MET: variants seen among roughly 807,000 people sequenced by gnomAD.
MET encodes MET proto-oncogene, receptor tyrosine kinase, also known as hepatocyte growth factor receptor.
A neutral mutation model predicts 133.1 loss-of-function variants in MET; 48 were observed. The observed-to-expected ratio is 0.36, with a 90% CI of 0.29 to 0.46. MET has a LOEUF of 0.46. Ranked by LOEUF, MET falls within the 20% of genes least tolerant of loss-of-function variation. The probability of loss-of-function intolerance (pLI) is 1.00; values close to 1 mark genes in which losing one functional copy is unlikely to be tolerated. For synonymous variants in MET, 628 were observed against 616.5 expected (o/e 1.02, Z -0.28); for missense variants, 1,442 against 1,695.9 (o/e 0.85, Z 2.63).
At chr7:116,721,932 G>T (rs1250623222) in intron 2 of MET, among the ~76,000 whole-genome samples, 1 of 151,806 alleles carries the variant, frequency 6.6e-6, no homozygotes, top group Non-Finnish European at 1.5e-5. Context: ...GAATAGGTGT[G>T]GTGTGGTGCT....
chr7:116,683,998 TTCC>T (rs1184876759), intron 1 of MET, among the ~76,000 whole-genome samples: 1 of 152,172 alleles, frequency 6.6e-6, no homozygotes, highest in Non-Finnish European at 1.5e-5. Context: ...TCTCTCTCAC[TTCC>T]TCTTTTCTCT....
At chr7:116,707,980 A>G (rs1791861621) in intron 2 of MET, among the ~76,000 whole-genome samples, 1 of 152,168 alleles carries the variant, frequency 6.6e-6, no homozygotes. Context: ...CAGGAGACAG[A>G]GGAAAGGATT....
At chr7:116,677,969 TTC>T (rs760091049) in intron 1 of MET, among the ~76,000 whole-genome samples, 10 of 93,206 alleles carry the variant, frequency 1.1e-4, no homozygotes, top group Admixed American at 3.4e-4. Flanking sequence ...AATATTGTCT[TTC>T]TCTCTCTCTC....
intron 2 of MET, 144 bp from the exon 3 acceptor site, chr7:116,731,524 T>C: frequency 1.3e-6 from 1 of 782,342 alleles, no homozygotes. Flanking sequence ...CTAGAAATAT[T>C]TATGCCTATC....
chr7:116,764,225 A>C (rs1794523573), intron 11 of MET, among the ~76,000 whole-genome samples: 2 of 152,210 alleles, frequency 1.3e-5, no homozygotes, highest in Middle Eastern at 3.2e-3. Flanking sequence ...ACGTTCATAC[A>C]AGTTTACTAA....
chr7:116,725,584 A>G (rs1792717701), intron 2 of MET, among the ~76,000 whole-genome samples: 1 of 151,360 alleles, frequency 6.6e-6, no homozygotes. Context: ...CATAGAGTGT[A>G]CTTATACTAA....
chr7:116,734,568 C>G (rs1048370601), intron 3 of MET, among the ~76,000 whole-genome samples: 1 of 152,190 alleles, frequency 6.6e-6, no homozygotes, highest in Non-Finnish European at 1.5e-5. Context: ...TGTACAGGTG[C>G]AGCTATATCT....
At chr7:116,689,258 C>T (rs542165170) in intron 1 of MET, among the ~76,000 whole-genome samples, 1 of 152,212 alleles carries the variant, frequency 6.6e-6, no homozygotes, top group African/African-American at 2.4e-5. Context: ...CAGAAGCAAA[C>T]CCAAATGAAA....
In MET at chr7:116,738,313, T is replaced by C. The variant is rs935958775; in HGVS notation, c.1393-1637T>C. 9.9e-5 allele frequency among the ~76,000 whole-genome samples: 15 copies of C among 152,106 alleles called. 1 individual carries two copies. The highest frequency in any genetic ancestry group is 6.8e-3 in the Middle Eastern group (2 of 292). On this transcript the variant is annotated intron_variant, in intron 3 of 20. Transcript: ENST00000397752. ...CCAGAAGGGAGTTAAGATTGCAAAA[T>C]TGGGTAACCAAAATCTGGAGAATTT...
chr7:116,757,900 C>A, intron 8 of MET, 126 bp downstream of exon 8: 1 of 1,076,084 alleles, frequency 9.3e-7, no homozygotes, highest in Non-Finnish European at 1.4e-6. Context: ...TGTTTACTCT[C>A]CTACTGACAA....
rs1795737680 is a variant in MET at position 116,798,274 on chromosome 7, G to A, written c.*2150G>A. The A allele has an allele frequency of 4.9e-6, 1 of 206,096 alleles. No individual in the cohort carries two copies. The highest frequency in any genetic ancestry group is 1.0e-5 in the Non-Finnish European group (1 of 100,408). 12.8% of individuals were successfully genotyped at this position (206,096 alleles called of 1,614,324 possible). ...TTGTGGGAGTAAGTGATTCTTCTAA[G>A]AATTAGATACTTGTCACTGCCTATA... On this transcript the variant is annotated 3_prime_UTR_variant, in exon 21 of 21. Coordinates refer to ENST00000397752, the MANE Select transcript of MET (RefSeq NM_000245.4).
Position 116,778,893 on chromosome 7 carries a change from C to T in MET, c.3458C>T (p.Pro1153Leu), listed in dbSNP as rs1795071897. The T allele has an allele frequency of 1.9e-6, 3 of 1,613,962 alleles. No individual in the cohort carries two copies. The highest frequency in any genetic ancestry group is 2.2e-5 in the East Asian group (1 of 44,880). ...LGICLRSEGS[P>L]LVVLPYMKHG... ...ATCTGCCTGCGAAGTGAAGGGTCTC[C>T]GCTGGTGGTCCTACCATACATGAAA... The change falls in exon 17 of 21, where the codon CCG becomes CTG. Residue 1153 changes from proline to leucine, a missense_variant. Around this residue, in one of 6 missense-constraint regions of MET, gnomAD observed 514 missense variants for 659.6 expected, o/e 0.78. Transcript: ENST00000397752.
At chr7:116,672,835 G>A (rs1336652491) in intron 1 of MET, among the ~76,000 whole-genome samples, 1 of 152,154 alleles carries the variant, frequency 6.6e-6, no homozygotes, top group Non-Finnish European at 1.5e-5. Flanking sequence ...GACAGTGGGT[G>A]ATGTGTGACT....
rs56311081 is a variant in MET, at chr7:116,699,551, C to A, written c.467C>A (p.Ser156Ter). ...FPHNHTADIQ[S>*]EVHCIFSPQI... Reference sequence around the variant, plus strand: ...CACAATCATACTGCTGACATACAGTCGGAGGTTCACTGCATATTCTCCCCA... The same window carrying A: ...CACAATCATACTGCTGACATACAGTAGGAGGTTCACTGCATATTCTCCCCA... Residue 156 changes from serine (S) to a stop codon, truncating the protein, a stop_gained, in exon 2 of 21, where the codon TCG (serine) becomes TAG (stop). Coordinates refer to ENST00000397752, the MANE Select transcript of MET (RefSeq NM_000245.4). LOFTEE classifies it high-confidence loss of function. 1.9e-6 allele frequency: 3 copies of A among 1,613,856 alleles called. No homozygotes were observed. Among genetic ancestry groups the A allele is most frequent in the African/African-American group, 2.7e-5 (2 of 74,908 alleles).
chr7:116,778,721 A>G (rs1795064250), intron 16 of MET, 55 bp from the exon 17 acceptor site: 1 of 1,584,164 alleles, frequency 6.3e-7, no homozygotes, highest in Non-Finnish European at 8.7e-7. Flanking sequence ...TAAATTTGAC[A>G]AAAGTATTCA....
intron 1 of MET, among the ~76,000 whole-genome samples, chr7:116,688,485 G>C (rs959210215): frequency 1.3e-5 from 2 of 152,158 alleles, no homozygotes; most frequent in African/African-American, 4.8e-5. Context: ...AAACATTTTT[G>C]TCTGACCTAC....
intron 2 of MET, among the ~76,000 whole-genome samples, chr7:116,722,814 C>G (rs1459351012): frequency 6.6e-6 from 1 of 152,096 alleles, no homozygotes; most frequent in African/African-American, 2.4e-5. Context: ...TTGGCCCCCA[C>G]TCTCTTCTGG....
intron 1 of MET, among the ~76,000 whole-genome samples, chr7:116,682,577 C>T (rs867422334): frequency 6.6e-6 from 1 of 152,206 alleles, no homozygotes; most frequent in East Asian, 1.9e-4. Flanking sequence ...GAATTTACCA[C>T]TGAGTTCATA....
At chr7:116,741,139 A>T (rs1240899031) in intron 5 of MET, 114 bp downstream of exon 5, 2 of 1,228,764 alleles carry the variant, frequency 1.6e-6, no homozygotes, top group Non-Finnish European at 1.1e-6. Context: ...TAATGAAAAA[A>T]ATTTAAAAAT....
Sources: allele counts gnomAD v4.1 joint callset (sites outside exome capture counted in the v4.1 genomes callset), GRCh38; gene constraint gnomAD v4.1.1; regional missense constraint gnomAD v4.1.1; transcripts MANE v1.5; gene names NCBI Gene and HGNC (gene_info 2026-07-23, HGNC 2026-07-21).